CNTN4: variants seen among roughly 807,000 people sequenced by gnomAD.
The protein encoded by CNTN4 is contactin-4.
In CNTN4, 77 loss-of-function variants were observed where a neutral mutation model predicts 122.5. That is an observed-to-expected ratio of 0.63 (90% CI 0.52 to 0.76). The LOEUF (loss-of-function observed/expected upper bound fraction) is 0.76. CNTN4 is among the 30% of genes least tolerant of loss of function. CNTN4 has a pLI of 0.00. For missense variants in CNTN4, 1,256 were observed against 1,259.1 expected, an observed-to-expected ratio of 1.00 and a Z score of 0.04; for synonymous variants, 512 against 447.0, an observed-to-expected ratio of 1.15 and a Z score of -1.83.
chr3:2,594,045 C>A lies in CNTN4; in HGVS notation c.55+22487C>A, dbSNP rs532908041. Among the ~76,000 whole-genome samples the A allele has an allele frequency of 2.3e-4, 35 of 152,180 alleles. No homozygotes were observed. The South Asian group carries it at 6.8e-3, about 30-fold the overall frequency. On this transcript the variant is annotated intron_variant, in intron 4 of 24. Transcript: ENST00000418658. ...TTGAAGACCTTGACTTATTTGAGAA[C>A]AGCATGAAAATTTGCCTGCCTGAAA...
Position 2,523,608 on chromosome 3 carries a change from T to C in CNTN4, c.-88-47808T>C, listed in dbSNP as rs141520527. Among the ~76,000 whole-genome samples, 799 of 152,054 alleles carry C rather than the reference T, an allele frequency of 5.3e-3. 1 individual carries two copies. Among genetic ancestry groups the C allele is most frequent in the Non-Finnish European group, 9.2e-3 (623 of 67,936 alleles). ...AAGGGACATGACCTTGGCTTTGAAC[T>C]TGAAAAAGGTTACCCTCTGTAAGAA... On this transcript the variant is annotated intron_variant, in intron 3 of 24. Transcript: ENST00000418658.
At chr3:2,652,995 A>G (rs1380495556) in intron 4 of CNTN4, among the ~76,000 whole-genome samples, 7 of 152,026 alleles carry the variant, frequency 4.6e-5, no homozygotes, top group African/African-American at 1.7e-4. Flanking sequence ...GTTCAGAGCC[A>G]TTTCATGGTA....
chr3:2,646,003 C>G (rs188517421), intron 4 of CNTN4, among the ~76,000 whole-genome samples: 2 of 152,100 alleles, frequency 1.3e-5, no homozygotes, highest in East Asian at 1.9e-4. Context: ...AAATATTATT[C>G]TTTTTGGATT....
intron 6 of CNTN4, among the ~76,000 whole-genome samples, chr3:2,748,333 A>G (rs2089907463): frequency 6.6e-6 from 1 of 152,222 alleles, no homozygotes; most frequent in South Asian, 2.1e-4. Context: ...ATTAACCTAA[A>G]TTCAGAATAT....
intron 4 of CNTN4, among the ~76,000 whole-genome samples, chr3:2,708,726 A>AACACAC (rs1559413187): frequency 8.2e-6 from 1 of 122,434 alleles, no homozygotes; most frequent in African/African-American, 3.8e-5. Flanking sequence ...GCACGCGCGC[A>AACACAC]TCACACACAC....
intron 10 of CNTN4, among the ~76,000 whole-genome samples, chr3:2,895,453 A>C (rs1332157517): frequency 1.3e-5 from 2 of 152,220 alleles, no homozygotes; most frequent in Non-Finnish European, 2.9e-5. Context: ...CTATTAATAG[A>C]AATATGCCAG....
chr3:2,923,348 G>T (rs1484973384), intron 12 of CNTN4, among the ~76,000 whole-genome samples: 2 of 151,398 alleles, frequency 1.3e-5, no homozygotes, highest in African/African-American at 4.9e-5. Context: ...TGTCAGTTCA[G>T]GGGTTTGCAT....
At chr3:2,448,470 G>T (rs1278710583) in intron 3 of CNTN4, among the ~76,000 whole-genome samples, 1 of 152,168 alleles carries the variant, frequency 6.6e-6, no homozygotes, top group African/African-American at 2.4e-5. Flanking sequence ...TGCAAGTGGT[G>T]AAAACTCAAC....
chr3:2,226,794 TTATTGAATAAGAATTTTAGCC>T (rs1320160610), intron 2 of CNTN4, among the ~76,000 whole-genome samples: 36 of 152,182 alleles, frequency 2.4e-4, no homozygotes, highest in Non-Finnish European at 4.9e-4. Context: ...AGACTATATA[TTATTGAATAAGAATTTTAGCC>T]TTTTTTTAAC....
At chr3:2,235,724 C>A (rs1454222585) in intron 2 of CNTN4, among the ~76,000 whole-genome samples, 1 of 152,040 alleles carries the variant, frequency 6.6e-6, no homozygotes, top group Non-Finnish European at 1.5e-5. Flanking sequence ...GTAACAAGAG[C>A]ATCTAGTATT....
chr3:2,946,713 T>TC (rs1311375801), intron 13 of CNTN4, among the ~76,000 whole-genome samples: 1 of 149,202 alleles, frequency 6.7e-6, no homozygotes, highest in East Asian at 1.9e-4. Flanking sequence ...TCTTTTTTTT[T>TC]TTTTTTTTGA....
chr3:2,383,644 C>T (rs1353089481), intron 3 of CNTN4, among the ~76,000 whole-genome samples: 2 of 150,046 alleles, frequency 1.3e-5, no homozygotes, highest in East Asian at 2.0e-4. Flanking sequence ...TCCCTCTCCG[C>T]CACTCTCTCT....
intron 3 of CNTN4, among the ~76,000 whole-genome samples, chr3:2,472,557 T>C (rs2075718454): frequency 6.6e-6 from 1 of 152,122 alleles, no homozygotes; most frequent in Non-Finnish European, 1.5e-5. Flanking sequence ...AAATTTTACT[T>C]ACATGGTAAG....
intron 3 of CNTN4, among the ~76,000 whole-genome samples, chr3:2,562,543 C>T (rs749233264): frequency 6.6e-6 from 1 of 152,112 alleles, no homozygotes; most frequent in African/African-American, 2.4e-5. Flanking sequence ...ATCCATCTTC[C>T]TGCAAAGAAC....
chr3:2,544,342 C>G (rs932629676), intron 3 of CNTN4, among the ~76,000 whole-genome samples: 1 of 151,974 alleles, frequency 6.6e-6, no homozygotes, highest in Non-Finnish European at 1.5e-5. Context: ...TGTGGCCATC[C>G]AAGAATCCAA....
Position 2,528,383 on chromosome 3 carries a change from A to G in CNTN4, c.-88-43033A>G, listed in dbSNP as rs1190630028. On this transcript the variant is annotated intron_variant, in intron 3 of 24. Transcript: ENST00000418658. ...AGGAATATCAACCATGTTATGCTAC[A>G]CTGATGATCAGTCAATGCATTGGCC... Among the ~76,000 whole-genome samples, 3 of 152,174 alleles carry G rather than the reference A, an allele frequency of 2.0e-5. No homozygotes were observed. In the East Asian group the frequency reaches 5.8e-4, roughly 29 times the overall value.
At chr3:2,642,867 T>C (rs1460114436) in intron 4 of CNTN4, among the ~76,000 whole-genome samples, 1 of 152,174 alleles carries the variant, frequency 6.6e-6, no homozygotes, top group African/African-American at 2.4e-5. Context: ...TTGTTCTGAT[T>C]GTTTGGGTCT....
At chr3:2,259,688 A>G (rs965076899) in intron 2 of CNTN4, among the ~76,000 whole-genome samples, 4 of 152,262 alleles carry the variant, frequency 2.6e-5, no homozygotes, top group Admixed American at 6.5e-5. Context: ...CGAGAACAGT[A>G]TGGGGCAAAC....
intron 2 of CNTN4, among the ~76,000 whole-genome samples, chr3:2,336,093 T>C (rs576689961): frequency 1.7e-4 from 26 of 152,146 alleles, no homozygotes; most frequent in Non-Finnish European, 3.5e-4. Flanking sequence ...GCTAAAGACA[T>C]GTGCTGAGTG....
Sources: gnomAD v4.1 joint callset for allele counts (sites outside exome capture counted in the v4.1 genomes callset) on GRCh38, gnomAD v4.1.1 for gene constraint, MANE v1.5 for transcripts, NCBI Gene and HGNC (gene_info 2026-07-23, HGNC 2026-07-21) for gene names.